Variants in CRB1 observed in about 807,000 individuals in gnomAD.
CRB1 encodes protein crumbs homolog 1.
A neutral mutation model predicts 120.0 loss-of-function variants in CRB1; 83 were observed. That is an observed-to-expected ratio of 0.69 (90% CI 0.58 to 0.83). CRB1 has a LOEUF of 0.83. Ranked by LOEUF, CRB1 falls within the 40% of genes least tolerant of loss-of-function variation. The pLI is 0.00. For missense variants in CRB1, 1,699 were observed against 1,687.6 expected, an observed-to-expected ratio of 1.01 and a Z score of -0.12; for synonymous variants, 625 against 612.5, an observed-to-expected ratio of 1.02 and a Z score of -0.30.
intron 11 of CRB1, among the ~76,000 whole-genome samples, chr1:197,450,977 A>G (rs1483330695): frequency 6.6e-6 from 1 of 150,536 alleles, no homozygotes; most frequent in Admixed American, 6.6e-5. Flanking sequence ...AAAAAAAAAA[A>G]AAAAGAAAGC....
chr1:197,436,609 A>T lies in CRB1; in HGVS notation c.3749+997A>T, dbSNP rs527496644. Among the ~76,000 whole-genome samples the T allele has an allele frequency of 5.3e-5, 8 of 152,304 alleles. No homozygotes were observed. In the East Asian group the frequency reaches 1.5e-3, roughly 29 times the overall value. ...CTAAAGAATATGTATACGTATATAT[A>T]CAAACAAGAATGAGTGAATGAATTT... On this transcript the variant is annotated intron_variant, in intron 9 of 11. Transcript: ENST00000367400.
intron 11 of CRB1, among the ~76,000 whole-genome samples, chr1:197,451,239 A>G (rs1055597325): frequency 6.6e-6 from 1 of 152,218 alleles, no homozygotes; most frequent in Non-Finnish European, 1.5e-5. Context: ...GCTGATTAGC[A>G]CAATTCATGC....
intron 5 of CRB1, among the ~76,000 whole-genome samples, chr1:197,409,895 T>G (rs999237967): frequency 3.3e-5 from 5 of 151,904 alleles, no homozygotes; most frequent in African/African-American, 1.2e-4. Context: ...GCCACACACC[T>G]GCCTCAGCCT....
chr1:197,324,665 T>A (rs1658394918), intron 1 of CRB1, among the ~76,000 whole-genome samples: 2 of 152,130 alleles, frequency 1.3e-5, no homozygotes, highest in Admixed American at 1.3e-4. Flanking sequence ...ACTCATAGAC[T>A]TAGTAAGTGG....
chr1:197,386,176 C>T (rs1031581104), intron 5 of CRB1, among the ~76,000 whole-genome samples: 1 of 152,012 alleles, frequency 6.6e-6, no homozygotes, highest in African/African-American at 2.4e-5. Context: ...CAAATACCAG[C>T]TCTTGCCAGT....
rs62645750 is a variant in CRB1 at position 197,328,461 on chromosome 1, AT to A, written c.112del (p.Ser38LeufsTer33). The A allele has an allele frequency of 2.5e-6, 4 of 1,614,102 alleles. No individual in the cohort carries two copies. Among genetic ancestry groups the A allele is most frequent in the Non-Finnish European group, 3.4e-6 (4 of 1,180,016 alleles). ...AAAAACAACACCAGGTGCCTCTCAA[AT>A]TCTTGCCAAAACAATTCTACATGCA... ...CNKNNTRCLS[N>X]SCQNNSTCKD... On this transcript the variant is annotated frameshift_variant, in exon 2 of 12. Coordinates refer to ENST00000367400, the MANE Select transcript of CRB1 (RefSeq NM_201253.3). LOFTEE classifies it high-confidence loss of function.
chr1:197,371,194 G>A (rs746433527), intron 5 of CRB1, among the ~76,000 whole-genome samples: 86 of 152,022 alleles, frequency 5.7e-4, no homozygotes, highest in African/African-American at 1.9e-3. Context: ...ATATACCTTC[G>A]GCTCACCTGA....
chr1:197,371,072 T>G (rs1280255550), intron 5 of CRB1, among the ~76,000 whole-genome samples: 2 of 152,162 alleles, frequency 1.3e-5, no homozygotes, highest in Non-Finnish European at 2.9e-5. Context: ...CTTTAGAACT[T>G]TTTCCGTTGA....
At chr1:197,464,887 A>G (rs1666687770) in intron 11 of CRB1, among the ~76,000 whole-genome samples, 1 of 152,244 alleles carries the variant, frequency 6.6e-6, no homozygotes, top group African/African-American at 2.4e-5. Flanking sequence ...TCTTCATTTT[A>G]TTAAAACAGT....
At position 197,355,689 on chromosome 1, in the gene CRB1, G is replaced by GT. The variant is rs548462158; in HGVS notation, c.989-1138dup. Among the ~76,000 whole-genome samples the GT allele has an allele frequency of 5.4e-3, 816 of 152,342 alleles. 9 individuals are homozygous for GT. The highest frequency in any genetic ancestry group is 0.018 in the African/African-American group (769 of 41,582). ...CAGCGGCGCCCACCGGCCGCTCTGA[G>GT]TTTTGGGCCGGCAAGCCCACGCCCA... On this transcript the variant is annotated intron_variant, in intron 4 of 11. Coordinates refer to ENST00000367400, the MANE Select transcript of CRB1 (RefSeq NM_201253.3).
intron 5 of CRB1, among the ~76,000 whole-genome samples, chr1:197,364,966 T>G (rs1179749561): frequency 6.6e-6 from 1 of 152,178 alleles, no homozygotes; most frequent in Non-Finnish European, 1.5e-5. Context: ...TGCTGGACAT[T>G]TTAGATATTA....
chr1:197,218,117 G>A, the CRB1 span, among the ~76,000 whole-genome samples: 1 of 152,196 alleles, frequency 6.6e-6, no homozygotes, highest in Non-Finnish European at 1.5e-5. Flanking sequence ...ACCATAAAGA[G>A]AGCAGATGAT....
intron 4 of CRB1, 68 bp from the exon 5 acceptor site, chr1:197,356,763 C>T: frequency 6.5e-7 from 1 of 1,536,370 alleles, no homozygotes; most frequent in South Asian, 1.1e-5. Context: ...AGTCAACCTC[C>T]TTTTAGGCAA....
At chr1:197,450,706 CG>C (rs1665918591) in intron 11 of CRB1, among the ~76,000 whole-genome samples, 1 of 143,616 alleles carries the variant, frequency 7.0e-6, no homozygotes, top group Non-Finnish European at 1.5e-5. Flanking sequence ...TTTGGGAGGC[CG>C]AGGTGGGCGG....
chr1:197,314,634 A>G (rs376781827), intron 1 of CRB1, among the ~76,000 whole-genome samples: 7 of 152,156 alleles, frequency 4.6e-5, no homozygotes, highest in African/African-American at 1.4e-4. Flanking sequence ...AGGCAGCTAA[A>G]ATATGTTTTT....
intron 5 of CRB1, among the ~76,000 whole-genome samples, chr1:197,381,039 A>G (rs1410770308): frequency 6.6e-6 from 1 of 152,178 alleles, no homozygotes; most frequent in Non-Finnish European, 1.5e-5. Flanking sequence ...GTATCTGACA[A>G]CCATTCCCAT....
chr1:197,244,981 G>T, the CRB1 span, among the ~76,000 whole-genome samples: 4 of 151,656 alleles, frequency 2.6e-5, no homozygotes, highest in Admixed American at 6.6e-5. Context: ...AGGTTTGTTT[G>T]TCTGTTTGTT....
intron 5 of CRB1, among the ~76,000 whole-genome samples, chr1:197,388,211 G>A (rs1662320930): frequency 6.6e-6 from 1 of 151,982 alleles, no homozygotes; most frequent in Non-Finnish European, 1.5e-5. Context: ...ATTTCTGGAA[G>A]ACAAATTACT....
intron 5 of CRB1, among the ~76,000 whole-genome samples, chr1:197,378,048 G>A (rs1447722231): frequency 6.6e-6 from 1 of 152,192 alleles, no homozygotes; most frequent in Non-Finnish European, 1.5e-5. Flanking sequence ...CTGAGTTAGT[G>A]TCTTAAGACA....
Sources: gnomAD v4.1 joint callset for allele counts (sites outside exome capture counted in the v4.1 genomes callset) on GRCh38, gnomAD v4.1.1 for gene constraint, MANE v1.5 for transcripts, NCBI Gene and HGNC (gene_info 2026-07-23, HGNC 2026-07-21) for gene names.